Variants in DENND11 observed in about 807,000 individuals in gnomAD.
The protein encoded by DENND11 is DENN domain containing 11.
DENND11 carries 34 observed loss-of-function variants against 49.2 expected under a neutral mutation model. The observed-to-expected ratio is 0.69, with a 90% CI of 0.53 to 0.92. The LOEUF is 0.92. DENND11 is among the 40% of genes least tolerant of loss of function. The pLI is 0.00. For missense variants in DENND11, 475 were observed against 581.6 expected (o/e 0.82, Z 1.88); for synonymous variants, 238 against 230.3 (o/e 1.03, Z -0.30).
Position 141,661,630 on chromosome 7 carries a change from C to A in DENND11, c.*1026G>T, listed in dbSNP as rs1278662370. The A allele has an allele frequency of 6.6e-6, 1 of 152,232 alleles. No homozygotes were observed. The highest frequency in any genetic ancestry group is 1.5e-5 in the Non-Finnish European group (1 of 68,058). 9.4% of individuals were successfully genotyped at this position (152,232 alleles called of 1,614,324 possible). A position where few individuals can be genotyped will look rare whatever the true frequency, so the allele number is the denominator to read the frequency against. On this transcript the variant is annotated 3_prime_UTR_variant, in exon 9 of 9. Transcript: ENST00000536163. ...TCTTGTTAGCATCATGCTCCACCCT[C>A]TGAGTTAACCAGCTCAGATCCTTGC...
At chr7:141,695,039 C>G (rs920522784) in intron 1 of DENND11, among the ~76,000 whole-genome samples, 15 of 152,156 alleles carry the variant, frequency 9.9e-5, no homozygotes, top group African/African-American at 3.6e-4. Flanking sequence ...TATTTCTTAA[C>G]CATTTATCAT....
chr7:141,685,546 A>T lies in DENND11; in HGVS notation c.459T>A (p.Ser153=), dbSNP rs752226581. Residue 153 remains serine, a synonymous_variant, in exon 3 of 9, where the codon TCT becomes TCA. Coordinates refer to ENST00000536163, the MANE Select transcript of DENND11 (RefSeq NM_001080392.2). The stretch of plus-strand genomic sequence containing the variant: ...TGTAGGAGGGAGAGAGGATGCCCAC[A>T]GACTTCATCCGCGCGCCACGTTCCA... ...SELERGARMK[S]VGILSPSYTL... 2 of 1,614,010 alleles carry T rather than the reference A, an allele frequency of 1.2e-6. No individual in the cohort carries two copies. The highest frequency in any genetic ancestry group is 2.2e-5 in the South Asian group (2 of 91,084).
chr7:141,674,539 C>T (rs750446786), intron 3 of DENND11, among the ~76,000 whole-genome samples: 4 of 152,094 alleles, frequency 2.6e-5, no homozygotes, highest in African/African-American at 7.2e-5. Context: ...CAAGGTACGC[C>T]GGAGACTGGG....
intron 3 of DENND11, among the ~76,000 whole-genome samples, chr7:141,684,568 A>C (rs1194450636): frequency 6.6e-6 from 1 of 152,190 alleles, no homozygotes; most frequent in Non-Finnish European, 1.5e-5. Flanking sequence ...CTTTCATATA[A>C]ATTTTTAAAT....
In DENND11 at chr7:141,661,126, A is replaced by G. The variant is rs929534273; in HGVS notation, c.*1530T>C. On this transcript the variant is annotated 3_prime_UTR_variant, in exon 9 of 9. Transcript: ENST00000536163. ...ATGAGATGTGTGAACCACCATTTGAATGTTATTTCTCCCTGCTGTGTACAT... is the reference window on the plus strand; with the variant it reads ...ATGAGATGTGTGAACCACCATTTGAGTGTTATTTCTCCCTGCTGTGTACAT... The G allele has an allele frequency of 6.6e-6, 1 of 152,206 alleles. No individual in the cohort carries two copies. The highest frequency in any genetic ancestry group is 6.5e-5 in the Admixed American group (1 of 15,276). The allele number at this position is 152,206 out of a possible 1,614,324, so 9.4% of individuals were successfully genotyped here.
At chr7:141,695,427 T>C (rs1293361046) in intron 1 of DENND11, among the ~76,000 whole-genome samples, 3 of 148,460 alleles carry the variant, frequency 2.0e-5, no homozygotes, top group Admixed American at 6.8e-5. Context: ...ACCACACTAA[T>C]AGGGAATGAA....
intron 1 of DENND11, 25 bp downstream of exon 1, chr7:141,701,861 C>T (rs1251083615): frequency 4.2e-6 from 5 of 1,177,922 alleles, no homozygotes; most frequent in African/African-American, 1.6e-5. Context: ...CCTCCCCACG[C>T]GCCTGGCCCC....
At position 141,671,020 on chromosome 7, in the gene DENND11, A is replaced by G. The variant is rs75415814; in HGVS notation, c.681+3047T>C. On this transcript the variant is annotated intron_variant, in intron 4 of 8. Coordinates refer to ENST00000536163, the MANE Select transcript of DENND11 (RefSeq NM_001080392.2). ...ATTCTCACACAAATGAGATCTGGTGATCCTTCCATGTCACCTTCTTATGCT... is the reference window on the plus strand; with the variant it reads ...ATTCTCACACAAATGAGATCTGGTGGTCCTTCCATGTCACCTTCTTATGCT... Among the ~76,000 whole-genome samples, 605 of 152,274 alleles carry G rather than the reference A, an allele frequency of 4.0e-3. 4 individuals are homozygous for G. The highest frequency in any genetic ancestry group is 0.014 in the African/African-American group (562 of 41,546).
At chr7:141,684,536 G>A (rs1461925613) in intron 3 of DENND11, among the ~76,000 whole-genome samples, 1 of 151,928 alleles carries the variant, frequency 6.6e-6, no homozygotes, top group African/African-American at 2.4e-5. Context: ...ATATATGAGA[G>A]GATTTTTAAA....
chr7:141,675,365 G>A (rs1302787373), intron 3 of DENND11, among the ~76,000 whole-genome samples: 1 of 152,290 alleles, frequency 6.6e-6, no homozygotes, highest in South Asian at 2.1e-4. Context: ...GAGACAGTAT[G>A]TTTCTGCTGT....
chr7:141,700,626 T>C (rs1798495766), intron 1 of DENND11, among the ~76,000 whole-genome samples: 1 of 151,968 alleles, frequency 6.6e-6, no homozygotes, highest in East Asian at 1.9e-4. Flanking sequence ...ACATGATAGA[T>C]CAGTCAAAAG....
chr7:141,699,284 C>T (rs1798467248), intron 1 of DENND11, among the ~76,000 whole-genome samples: 1 of 152,030 alleles, frequency 6.6e-6, no homozygotes. Context: ...CCACTATGGG[C>T]CTCACTCCAC....
intron 4 of DENND11, among the ~76,000 whole-genome samples, chr7:141,668,420 A>G (rs1255871015): frequency 6.6e-6 from 1 of 152,112 alleles, no homozygotes; most frequent in Non-Finnish European, 1.5e-5. Context: ...CCCCATCTCT[A>G]CTAAAAATAC....
In DENND11 at chr7:141,692,663, G is replaced by A. The variant is rs140674760; in HGVS notation, c.269-6005C>T. Among the ~76,000 whole-genome samples, 869 of 152,042 alleles carry A rather than the reference G, an allele frequency of 5.7e-3. 7 individuals are homozygous for A. The highest frequency in any genetic ancestry group is 0.018 in the African/African-American group (732 of 41,466). On this transcript the variant is annotated intron_variant, in intron 1 of 8. Coordinates refer to ENST00000536163, the MANE Select transcript of DENND11 (RefSeq NM_001080392.2). ...GTAGCTAGCCTAGGCAACATAGCGA[G>A]ACCCTGTCTCTACAAAAAATTAAAA...
chr7:141,676,812 A>T (rs1255253675), intron 3 of DENND11, among the ~76,000 whole-genome samples: 1 of 152,226 alleles, frequency 6.6e-6, no homozygotes, highest in East Asian at 1.9e-4. Flanking sequence ...GAATGCAGAA[A>T]TTGAGAAACC....
At chr7:141,673,961 T>C (rs1468172727) in intron 4 of DENND11, 106 bp downstream of exon 4, 2 of 1,338,974 alleles carry the variant, frequency 1.5e-6, no homozygotes, top group Non-Finnish European at 2.0e-6. Context: ...GTAGACATTT[T>C]GTATGATCCA....
chr7:141,663,144 C>T (rs556397157), intron 8 of DENND11: 169 of 295,384 alleles, frequency 5.7e-4, no homozygotes, highest in African/African-American at 3.1e-3. Flanking sequence ...TTAAACACAG[C>T]CTGAGAAGAG....
chr7:141,677,362 C>T (rs1304828351), intron 3 of DENND11, among the ~76,000 whole-genome samples: 1 of 144,850 alleles, frequency 6.9e-6, no homozygotes, highest in Non-Finnish European at 1.5e-5. Context: ...TTGCATCCAG[C>T]CTGGGTGACA....
At chr7:141,666,016 A>G (rs1797889340) in intron 5 of DENND11, among the ~76,000 whole-genome samples, 2 of 149,488 alleles carry the variant, frequency 1.3e-5, no homozygotes, top group Admixed American at 1.4e-4. Context: ...CAATCAGACA[A>G]CAAGTTTTGT....
Sources: allele counts gnomAD v4.1 joint callset (sites outside exome capture counted in the v4.1 genomes callset), GRCh38; gene constraint gnomAD v4.1.1; transcripts MANE v1.5; gene names NCBI Gene and HGNC (gene_info 2026-07-23, HGNC 2026-07-21).